Variants in ITPR1 observed in about 807,000 individuals in gnomAD.
ITPR1 encodes inositol 1,4,5-trisphosphate receptor type 1, also known as inositol 1,4,5-trisphosphate-gated calcium channel ITPR1.
A neutral mutation model predicts 318.4 loss-of-function variants in ITPR1; 96 were observed. That is an observed-to-expected ratio of 0.30 (90% confidence interval 0.26 to 0.36). ITPR1 has a LOEUF of 0.36. ITPR1 is among the 10% of genes least tolerant of loss of function. ITPR1 has a pLI of 1.00. For missense variants in ITPR1, 2,440 were observed against 3,460.2 expected, an observed-to-expected ratio of 0.71 and a Z score of 7.40; for synonymous variants, 1,312 against 1,289.9, an observed-to-expected ratio of 1.02 and a Z score of -0.37.
chr3:4,651,309 C>A (rs1323105355), intron 10 of ITPR1, among the ~76,000 whole-genome samples: 1 of 152,168 alleles, frequency 6.6e-6, no homozygotes, highest in African/African-American at 2.4e-5. Context: ...GTGTGTAGTT[C>A]TGTATGCATT....
chr3:4,823,028 C>T (rs1263174084), intron 60 of ITPR1, among the ~76,000 whole-genome samples: 1 of 152,202 alleles, frequency 6.6e-6, no homozygotes, highest in African/African-American at 2.4e-5. Flanking sequence ...TTATATGCTG[C>T]ATACCCTTTT....
chr3:4,711,671 G>A (rs2041382164), intron 38 of ITPR1, 86 bp from the exon 39 acceptor site: 13 of 737,802 alleles, frequency 1.8e-5, no homozygotes, highest in South Asian at 6.3e-5. Context: ...GTTCATTAAC[G>A]GACTAGTTAA....
chr3:4,671,213 G>T (rs1347299074), intron 20 of ITPR1, among the ~76,000 whole-genome samples: 1 of 152,126 alleles, frequency 6.6e-6, no homozygotes, highest in Non-Finnish European at 1.5e-5. Context: ...TACGTAAGAG[G>T]CAGGCTGTGG....
chr3:4,614,675 A>G (rs1186851448), intron 4 of ITPR1, among the ~76,000 whole-genome samples: 1 of 152,192 alleles, frequency 6.6e-6, no homozygotes, highest in Admixed American at 6.5e-5. Context: ...GACGCATGAC[A>G]TGCAACTTGA....
rs1444612520 is a variant in ITPR1, at chr3:4,503,148, T to C, written c.-17+8642T>C. Among the ~76,000 whole-genome samples the C allele has an allele frequency of 6.4e-5, 9 of 140,562 alleles. No homozygotes were observed. The Admixed American group carries it at 6.7e-4, about 10-fold the overall frequency. The allele number at this position is 140,562 out of a possible 152,430, so 92.2% of individuals were successfully genotyped here. On this transcript the variant is annotated intron_variant, in intron 2 of 61. Transcript: ENST00000649015. ...GTGACGTGAGGACCATGTAGAGATA[T>C]TAAGCATTTCCTTTTGATAGCTTTT...
intron 44 of ITPR1, among the ~76,000 whole-genome samples, chr3:4,761,288 T>C (rs998363991): frequency 2.6e-5 from 4 of 152,186 alleles, no homozygotes; most frequent in African/African-American, 9.7e-5. Flanking sequence ...CACTCCCCAC[T>C]GTCTGTTGTT....
At chr3:4,735,595 G>A (rs748578729) in intron 44 of ITPR1, 20 of 503,006 alleles carry the variant, frequency 4.0e-5, no homozygotes, top group African/African-American at 1.5e-4. Context: ...CTGAGAATAC[G>A]CAAAGGAAAC....
At chr3:4,632,486 T>C (rs1160607636) in intron 5 of ITPR1, among the ~76,000 whole-genome samples, 1 of 152,184 alleles carries the variant, frequency 6.6e-6, no homozygotes, top group African/African-American at 2.4e-5. Context: ...ACTTCCCTAC[T>C]GTCACTGCTT....
intron 8 of ITPR1, 73 bp downstream of exon 8, chr3:4,644,307 G>T (rs947255670): frequency 4.2e-5 from 42 of 998,734 alleles, no homozygotes; most frequent in Non-Finnish European, 5.8e-5. Flanking sequence ...CAGTGCATGC[G>T]TGTGCTGAGA....
At chr3:4,681,283 C>A (rs1347426556) in intron 25 of ITPR1, 81 bp from the exon 26 acceptor site, 2 of 969,498 alleles carry the variant, frequency 2.1e-6, no homozygotes, top group Non-Finnish European at 3.3e-6. Flanking sequence ...CAGCTTTACC[C>A]TGCAAAACTT....
At chr3:4,622,708 C>T (rs1302813619) in intron 4 of ITPR1, among the ~76,000 whole-genome samples, 16 of 152,178 alleles carry the variant, frequency 1.1e-4, no homozygotes, top group East Asian at 3.8e-4. Flanking sequence ...CCACCGCACC[C>T]GGCCTAAACA....
At chr3:4,529,956 C>G (rs979343339) in intron 4 of ITPR1, among the ~76,000 whole-genome samples, 8 of 152,160 alleles carry the variant, frequency 5.3e-5, no homozygotes, top group Admixed American at 5.2e-4. Flanking sequence ...AGTGGCAGAG[C>G]TGGGATTTGA....
intron 60 of ITPR1, among the ~76,000 whole-genome samples, chr3:4,832,513 C>T (rs564844652): frequency 6.6e-6 from 1 of 152,166 alleles, no homozygotes; most frequent in Admixed American, 6.5e-5. Context: ...TGCGTGTAGT[C>T]CCAGCTACTT....
intron 4 of ITPR1, among the ~76,000 whole-genome samples, chr3:4,543,147 A>G (rs943463534): frequency 2.6e-5 from 4 of 151,964 alleles, no homozygotes; most frequent in African/African-American, 9.7e-5. Context: ...GCTCACACCT[A>G]TAGTTTCAGC....
At chr3:4,723,870 A>G (rs1476810705) in intron 40 of ITPR1, among the ~76,000 whole-genome samples, 6 of 152,134 alleles carry the variant, frequency 3.9e-5, no homozygotes. Context: ...TGTCTGCTCT[A>G]AAATGCATGG....
chr3:4,738,791 T>C (rs2043476158), intron 44 of ITPR1, among the ~76,000 whole-genome samples: 1 of 152,048 alleles, frequency 6.6e-6, no homozygotes, highest in South Asian at 2.1e-4. Flanking sequence ...GTAGATGAAA[T>C]GCCATGATGG....
At chr3:4,688,759 T>C (rs992312705) in intron 31 of ITPR1, 139 bp downstream of exon 31, 1 of 809,396 alleles carries the variant, frequency 1.2e-6, no homozygotes, top group East Asian at 2.8e-5. Context: ...AACATTTTCA[T>C]CACTTATCAC....
intron 2 of ITPR1, among the ~76,000 whole-genome samples, chr3:4,496,315 A>ATGTG (rs61120521): frequency 0.048 from 7,179 of 151,126 alleles, 341 homozygotes; most frequent in African/African-American, 0.12. Context: ...TTTCAAGTTC[A>ATGTG]TGTGTGTGTG....
chr3:4,747,666 T>A lies in ITPR1; in HGVS notation c.5544+12312T>A, dbSNP rs544250828. The stretch of plus-strand genomic sequence containing the variant: ...TCATGAAAGACTTTTCCTTTCAGAC[T>A]GGGCATCTCATTTGCCAAATGACAA... On this transcript the variant is annotated intron_variant, in intron 44 of 61. Coordinates refer to ENST00000649015, the MANE Select transcript of ITPR1 (RefSeq NM_001378452.1). 1.1e-4 allele frequency among the ~76,000 whole-genome samples: 17 copies of A among 152,344 alleles called. No homozygotes were observed. The South Asian group carries it at 3.1e-3, about 28-fold the overall frequency.
Sources: allele counts gnomAD v4.1 joint callset (sites outside exome capture counted in the v4.1 genomes callset), GRCh38; gene constraint gnomAD v4.1.1; transcripts MANE v1.5; gene names NCBI Gene and HGNC (gene_info 2026-07-23, HGNC 2026-07-21).